The following PHTF2 variants were observed in gnomAD, a reference collection of about 807,000 sequenced individuals.
PHTF2 encodes the protein putative homeodomain transcription factor 2.
In PHTF2, 60 loss-of-function variants were observed where a neutral mutation model predicts 101.2. The ratio of observed to expected loss-of-function variants is 0.59; its 90% CI spans 0.48 to 0.73. The LOEUF (loss-of-function observed/expected upper bound fraction) is 0.73, where lower values mean the gene tolerates loss of function less well. Ranked by LOEUF, PHTF2 falls within the 30% of genes least tolerant of loss-of-function variation. The pLI, the probability that PHTF2 is intolerant of heterozygous loss-of-function variation, is 0.00. For missense variants in PHTF2, 747 were observed against 908.7 expected (o/e 0.82, Z 2.29); for synonymous variants, 311 against 307.3 (o/e 1.01, Z -0.13).
chr7:77,836,627 C>T (rs530737893), intron 1 of PHTF2, among the ~76,000 whole-genome samples: 1 of 152,270 alleles, frequency 6.6e-6, no homozygotes, highest in African/African-American at 2.4e-5. Flanking sequence ...ACAGGTACAA[C>T]ATGGAATACT....
chr7:77,928,912 CAAAT>C (rs1177951512), intron 11 of PHTF2, among the ~76,000 whole-genome samples, 193 bp from the exon 11 acceptor site: 1 of 152,134 alleles, frequency 6.6e-6, no homozygotes, highest in African/African-American at 2.4e-5. Flanking sequence ...AATATGAAAT[CAAAT>C]AAATTTTGAT....
At chr7:77,954,277 G>A (rs1306789384) in intron 19 of PHTF2, among the ~76,000 whole-genome samples, 1 of 151,986 alleles carries the variant, frequency 6.6e-6, no homozygotes, top group Non-Finnish European at 1.5e-5. Context: ...GGGACTACAG[G>A]TGTGCACCAC....
At chr7:77,819,199 C>T (rs909533299) in intron 1 of PHTF2, among the ~76,000 whole-genome samples, 2 of 152,196 alleles carry the variant, frequency 1.3e-5, no homozygotes, top group African/African-American at 4.8e-5. Context: ...TTTTGACTTC[C>T]TCCTTTTCAA....
intron 3 of PHTF2, among the ~76,000 whole-genome samples, chr7:77,861,104 T>TA (rs1179827803): frequency 6.6e-6 from 1 of 152,218 alleles, no homozygotes; most frequent in African/African-American, 2.4e-5. Flanking sequence ...ATTATGTACT[T>TA]ACATTTAATT....
chr7:77,807,632 TTC>T (rs1392808655), intron 1 of PHTF2, among the ~76,000 whole-genome samples: 1 of 152,232 alleles, frequency 6.6e-6, no homozygotes, highest in African/African-American at 2.4e-5. Context: ...TGCAAATATT[TTC>T]TCTCATTCTG....
chr7:77,929,096 A>G lies in PHTF2; in HGVS notation c.1120-13A>G, dbSNP rs73375889. On this transcript the variant is annotated splice_polypyrimidine_tract_variant and intron_variant, in intron 11 of 19. Transcript: ENST00000416283. ...ATAAATTGTATTAATGTCAAAGAAT[A>G]TCTTGATTTCAGGACGCCCCTAAAT... The G allele has an allele frequency of 1.5e-3, 2,413 of 1,588,784 alleles. 43 individuals are homozygous for G. The African/African-American group carries it at 0.029, about 19-fold the overall frequency.
chr7:77,894,015 C>A, intron 5 of PHTF2, 22 bp downstream of exon 4: 1 of 1,565,962 alleles, frequency 6.4e-7, no homozygotes, highest in Non-Finnish European at 8.8e-7. Flanking sequence ...AGGATTTTTC[C>A]CGCCTGAGTG....
At chr7:77,864,203 A>G (rs1024021883) in intron 3 of PHTF2, among the ~76,000 whole-genome samples, 2 of 152,216 alleles carry the variant, frequency 1.3e-5, no homozygotes, top group Non-Finnish European at 2.9e-5. Flanking sequence ...AGGAACTCAC[A>G]TAAAGTTCCC....
At chr7:77,874,577 C>G (rs1798780672) in intron 3 of PHTF2, among the ~76,000 whole-genome samples, 1 of 152,174 alleles carries the variant, frequency 6.6e-6, no homozygotes. Flanking sequence ...GGCTGGGAAG[C>G]TAGGCCAGTC....
intron 1 of PHTF2, among the ~76,000 whole-genome samples, chr7:77,828,611 G>A (rs376415699): frequency 6.6e-6 from 1 of 152,052 alleles, no homozygotes; most frequent in Non-Finnish European, 1.5e-5. Context: ...AAGAGTTCAA[G>A]ACCAGCTTGG....
rs145558367 is a variant in PHTF2 at position 77,861,179 on chromosome 7, A to C, written c.147+6345A>C. Reference sequence around the variant, plus strand: ...TTTATTTATTTTTATTGTTTGCTTTAATTTCTAACACAATTTTTTCCTTAG... The same window carrying C: ...TTTATTTATTTTTATTGTTTGCTTTCATTTCTAACACAATTTTTTCCTTAG... On this transcript the variant is annotated intron_variant, in intron 3 of 19. Coordinates refer to ENST00000416283, the Ensembl canonical transcript of PHTF2. 4.8e-3 allele frequency among the ~76,000 whole-genome samples: 722 copies of C among 151,496 alleles called. 11 individuals carry two copies. The highest frequency in any genetic ancestry group is 0.017 in the African/African-American group (692 of 41,302).
At chr7:77,851,690 C>T (rs1020241924) in intron 2 of PHTF2, among the ~76,000 whole-genome samples, 5 of 150,772 alleles carry the variant, frequency 3.3e-5, no homozygotes, top group African/African-American at 1.2e-4. Flanking sequence ...GCCTTGGCCT[C>T]CCAAAGTGCT....
intron 1 of PHTF2, among the ~76,000 whole-genome samples, chr7:77,822,904 CTTT>C (rs35785317): frequency 2.5e-5 from 3 of 118,404 alleles, no homozygotes; most frequent in Non-Finnish European, 1.7e-5. Context: ...ATATTTAAAT[CTTT>C]TTTTTTTTTT....
intron 9 of PHTF2, among the ~76,000 whole-genome samples, chr7:77,918,648 C>T (rs1803161276): frequency 6.6e-6 from 1 of 152,174 alleles, no homozygotes; most frequent in African/African-American, 2.4e-5. Context: ...GTTTCTATCA[C>T]TTTCTTTCCC....
intron 3 of PHTF2, among the ~76,000 whole-genome samples, chr7:77,869,023 A>G (rs1237788010): frequency 1.3e-5 from 2 of 152,222 alleles, no homozygotes; most frequent in African/African-American, 4.8e-5. Context: ...AAGCAAAAAA[A>G]CAAAAAAGAT....
chr7:77,915,983 G>GTGTGTT (rs1554383536), intron 9 of PHTF2, among the ~76,000 whole-genome samples: 1 of 146,174 alleles, frequency 6.8e-6, no homozygotes, highest in African/African-American at 2.7e-5. Context: ...GTGTGTCTGT[G>GTGTGTT]TGTGTGTGTG....
At chr7:77,946,124 T>C (rs1020078091) in intron 16 of PHTF2, among the ~76,000 whole-genome samples, 2 of 152,320 alleles carry the variant, frequency 1.3e-5, no homozygotes, top group African/African-American at 4.8e-5. Context: ...ATGACTATGA[T>C]AGTTTGTGCC....
intron 7 of PHTF2, among the ~76,000 whole-genome samples, chr7:77,903,048 T>A (rs1383110472): frequency 6.6e-6 from 1 of 152,142 alleles, no homozygotes; most frequent in Non-Finnish European, 1.5e-5. Context: ...TTTATAATAC[T>A]TTTTAAATAG....
intron 2 of PHTF2, among the ~76,000 whole-genome samples, chr7:77,846,023 C>T (rs1784515721): frequency 6.6e-6 from 1 of 152,164 alleles, no homozygotes; most frequent in African/African-American, 2.4e-5. Flanking sequence ...ATGCCTTTCT[C>T]CATGTTGTGA....
Sources: allele counts gnomAD v4.1 joint callset (sites outside exome capture counted in the v4.1 genomes callset), GRCh38; gene constraint gnomAD v4.1.1; transcripts MANE v1.5; gene names NCBI Gene and HGNC (gene_info 2026-07-23, HGNC 2026-07-21).